Variants in FGGY observed in about 807,000 individuals in gnomAD.
The protein encoded by FGGY is FGGY carbohydrate kinase domain-containing protein.
In FGGY, 72 loss-of-function variants were observed where a neutral mutation model predicts 71.3. The ratio of observed to expected loss-of-function variants is 1.01; its 90% confidence interval spans 0.84 to 1.23. The LOEUF (loss-of-function observed/expected upper bound fraction) is 1.23. FGGY is among the 50% of genes most tolerant of loss of function. The pLI, the probability that FGGY is intolerant of heterozygous loss-of-function variation, is 0.00. For missense variants in FGGY, 668 were observed against 682.3 expected, an observed-to-expected ratio of 0.98 and a Z score of 0.23; for synonymous variants, 251 against 250.3, an observed-to-expected ratio of 1.00 and a Z score of -0.02.
At chr1:59,636,548 G>A (rs531979923) in intron 10 of FGGY, among the ~76,000 whole-genome samples, 8 of 152,222 alleles carry the variant, frequency 5.3e-5, no homozygotes, top group South Asian at 2.1e-4. Context: ...GCGTGAACCC[G>A]GGAGGCGGAG....
intron 14 of FGGY, among the ~76,000 whole-genome samples, chr1:59,727,269 C>T (rs1247997444): frequency 6.6e-6 from 1 of 152,162 alleles, no homozygotes; most frequent in East Asian, 1.9e-4. Flanking sequence ...ACATGTTCCA[C>T]ATTTTCTTTA....
intron 6 of FGGY, among the ~76,000 whole-genome samples, chr1:59,473,862 C>T (rs1415429110): frequency 3.9e-5 from 6 of 152,254 alleles, no homozygotes; most frequent in South Asian, 4.2e-4. Context: ...GTTTGTGTGT[C>T]GGGGCAGGTG....
At chr1:59,381,279 GT>G (rs1167548939) in intron 5 of FGGY, among the ~76,000 whole-genome samples, 1 of 152,070 alleles carries the variant, frequency 6.6e-6, no homozygotes, top group Non-Finnish European at 1.5e-5. Context: ...ATGTGGGCTC[GT>G]TTTCGGTTCC....
At chr1:59,535,485 A>G (rs2095288279) in intron 7 of FGGY, among the ~76,000 whole-genome samples, 1 of 152,214 alleles carries the variant, frequency 6.6e-6, no homozygotes, top group Non-Finnish European at 1.5e-5. Context: ...AGGAGACCTA[A>G]TAGACATCTA....
rs555945695 is a variant in FGGY, at chr1:59,741,170, C to G, written c.1513-16761C>G. Among the ~76,000 whole-genome samples the G allele has an allele frequency of 2.0e-5, 3 of 152,162 alleles. No homozygotes were observed. In the South Asian group the frequency reaches 6.2e-4, roughly 32 times the overall value. ...CCCTGGCTGGGCACAGTGGCTCACA[C>G]CTGTAATCCCAGCACTTTGGGAGGT... On this transcript the variant is annotated intron_variant, in intron 14 of 15. Transcript: ENST00000303721.
At chr1:59,497,595 CAAAG>C (rs1050319925) in intron 6 of FGGY, among the ~76,000 whole-genome samples, 3 of 152,046 alleles carry the variant, frequency 2.0e-5, no homozygotes, top group African/African-American at 4.8e-5. Context: ...CTCAAACAAA[CAAAG>C]AAACAAAAAA....
At chr1:59,367,093 G>A (rs1238744411) in intron 4 of FGGY, among the ~76,000 whole-genome samples, 4 of 152,062 alleles carry the variant, frequency 2.6e-5, no homozygotes, top group South Asian at 2.1e-4. Flanking sequence ...AGGAGATGTC[G>A]CACCATCTTT....
At chr1:59,737,557 A>T (rs1173436935) in intron 14 of FGGY, among the ~76,000 whole-genome samples, 1 of 152,148 alleles carries the variant, frequency 6.6e-6, no homozygotes, top group African/African-American at 2.4e-5. Context: ...TTAAGATTTG[A>T]CTGCCTCACT....
At chr1:59,587,247 C>T (rs560149183) in intron 8 of FGGY, among the ~76,000 whole-genome samples, 236 of 152,224 alleles carry the variant, frequency 1.6e-3, no homozygotes, top group African/African-American at 4.5e-3. Flanking sequence ...GGGGGAGGGG[C>T]GCCCGCCATT....
chr1:59,346,165 A>C (rs559684968), intron 3 of FGGY, 82 bp from the exon 4 acceptor site: 2 of 1,532,222 alleles, frequency 1.3e-6, no homozygotes, highest in Non-Finnish European at 1.8e-6. Flanking sequence ...TAGCATTTTG[A>C]TCTTGGGAAT....
At chr1:59,587,237 G>A (rs1024943966) in intron 8 of FGGY, among the ~76,000 whole-genome samples, 12 of 152,298 alleles carry the variant, frequency 7.9e-5, no homozygotes, top group African/African-American at 2.6e-4. Flanking sequence ...CAGCAAGGCT[G>A]GGGGAGGGGC....
chr1:59,578,289 G>A (rs1416868979), intron 8 of FGGY, among the ~76,000 whole-genome samples: 1 of 152,084 alleles, frequency 6.6e-6, no homozygotes, highest in Non-Finnish European at 1.5e-5. Flanking sequence ...AGGGAGTTGT[G>A]GGCAGACCAC....
chr1:59,607,641 A>T (rs1040522979), intron 8 of FGGY, among the ~76,000 whole-genome samples, 162 bp from the exon 9 acceptor site: 1 of 152,182 alleles, frequency 6.6e-6, no homozygotes, highest in Non-Finnish European at 1.5e-5. Flanking sequence ...GAAAGTTTCT[A>T]AAAAAAGGAG....
At chr1:59,318,500 G>A (rs1220633684) in intron 1 of FGGY, 1 of 152,276 alleles carries the variant, frequency 6.6e-6, no homozygotes, top group Admixed American at 6.5e-5. Flanking sequence ...ACTGTAGAGT[G>A]GAAATCTGCC....
rs558597808 is a variant in FGGY at position 59,318,869 on chromosome 1, A to G, written c.-14-2667A>G. On this transcript the variant is annotated intron_variant, in intron 1 of 15. Transcript: ENST00000303721. ...GGAGCAGCACCCCGGGGGCCTTTGC[A>G]GTAGAGACAGTGGGAAGCCCAGAGA... 9.2e-5 allele frequency among the ~76,000 whole-genome samples: 14 copies of G among 152,370 alleles called. No individual in the cohort carries two copies. In the East Asian group the frequency reaches 2.5e-3, roughly 27 times the overall value.
chr1:59,669,540 C>CTTTTTTTTTTTTTTTTT (rs58004594), intron 13 of FGGY, among the ~76,000 whole-genome samples: 20 of 102,504 alleles, frequency 2.0e-4, no homozygotes, highest in Non-Finnish European at 2.3e-4. Flanking sequence ...TTCTAGACTT[C>CTTTTTTTTTTTTTTTTT]TTTTTTTTTT....
rs192094379 is a variant in FGGY, at chr1:59,757,903, G to T, written c.1513-28G>T. 1.4e-4 allele frequency: 216 copies of T among 1,582,608 alleles called. No homozygotes were observed. In the African/African-American group the frequency reaches 2.4e-3, roughly 18 times the overall value. ...GCTTTGGATTTCGCTTTCCAACTCA[G>T]CTGTCTATGTTGTTTTCCATTTAAT... is the stretch of plus-strand genomic sequence containing the variant. On this transcript the variant is annotated intron_variant, in intron 14 of 15. Transcript: ENST00000303721.
rs150309109 is a variant in FGGY, at chr1:59,659,509, G to A, written c.1222-710G>A. On this transcript the variant is annotated intron_variant, in intron 11 of 15. Coordinates refer to ENST00000303721, the MANE Select transcript of FGGY (RefSeq NM_018291.5). ...TGGTGCTGATGCCCACAAAAGTTGG[G>A]CTCGGCTTGAAGAACCCAGCAGCCC... Among the ~76,000 whole-genome samples, 167 of 152,250 alleles carry A rather than the reference G, an allele frequency of 1.1e-3. 1 individual carries two copies. Among genetic ancestry groups the A allele is most frequent in the African/African-American group, 3.5e-3 (146 of 41,544 alleles).
At chr1:59,552,479 T>C (rs540029761) in intron 7 of FGGY, among the ~76,000 whole-genome samples, 7 of 152,284 alleles carry the variant, frequency 4.6e-5, no homozygotes, top group Admixed American at 4.6e-4. Context: ...GAAGGTAGAA[T>C]TTGGAAAAAG....
Sources: gnomAD v4.1 joint callset for allele counts (sites outside exome capture counted in the v4.1 genomes callset) on GRCh38, gnomAD v4.1.1 for gene constraint, MANE v1.5 for transcripts, NCBI Gene and HGNC (gene_info 2026-07-23, HGNC 2026-07-21) for gene names.